The following TUBE1 variants were observed in gnomAD, a reference collection of about 807,000 sequenced individuals.
TUBE1 encodes tubulin epsilon 1.
In TUBE1, 34 loss-of-function variants were observed where a neutral mutation model predicts 53.5. The ratio of observed to expected loss-of-function variants is 0.64; its 90% CI spans 0.48 to 0.85. The LOEUF (loss-of-function observed/expected upper bound fraction) is 0.85. Among genes scored for constraint, TUBE1 ranks in the 40% least tolerant of loss-of-function variants. The pLI is 0.00. For synonymous variants in TUBE1, 177 were observed against 198.4 expected, an observed-to-expected ratio of 0.89 and a Z score of 0.91; for missense variants, 532 against 570.5, an observed-to-expected ratio of 0.93 and a Z score of 0.69.
At chr6:112,071,781 TA>T in intron 11 of TUBE1, 120 bp downstream of exon 11, 1 of 1,048,488 alleles carries the variant, frequency 9.5e-7, no homozygotes, top group Non-Finnish European at 1.3e-6. Flanking sequence ...TCTTCAGTTA[TA>T]ATCAGTACAA....
At position 112,071,447 on chromosome 6, in the gene TUBE1, C is replaced by T. The variant is rs376384128; in HGVS notation, c.1393G>A (p.Val465Met). The T allele has an allele frequency of 4.5e-5, 72 of 1,606,584 alleles. No individual in the cohort carries two copies. The African/African-American group carries it at 7.1e-4, about 16-fold the overall frequency. ...DQLDATKNMP[V>M]QDLPRLSIAM Reference sequence around the variant, plus strand: ...ATGCTTAGTCTGGGTAAATCCTGCACAGGCATGTTTTTTGTGGCGTCCAGT... The same window carrying T: ...ATGCTTAGTCTGGGTAAATCCTGCATAGGCATGTTTTTTGTGGCGTCCAGT... The change falls in exon 12 of 12, where the codon GTG (valine) becomes ATG (methionine). Residue 465 changes from valine to methionine, a missense_variant. By Grantham distance (21) the Val-to-Met change is conservative. Transcript: ENST00000368662.
At position 112,075,988 on chromosome 6, in the gene TUBE1, G is replaced by A; in HGVS notation, c.761C>T (p.Pro254Leu). ...CACAATGTTATTCATTGCATCAAAG[G>A]GCTTCTTATGCTGCTTTTTTAAAGC... ...SGALKKQHKKPFDAMNNIVAN... is the reference protein window; with the variant it reads ...SGALKKQHKKLFDAMNNIVAN... Residue 254 changes from proline to leucine, a missense_variant, in exon 8 of 12, where the codon CCC (proline) becomes CTC (leucine). Transcript: ENST00000368662. 2 of 1,613,666 alleles carry A rather than the reference G, an allele frequency of 1.2e-6. No individual in the cohort carries two copies. Among genetic ancestry groups the A allele is most frequent in the Non-Finnish European group, 1.7e-6 (2 of 1,179,814 alleles).
intron 3 of TUBE1, 84 bp downstream of exon 3, chr6:112,086,472 A>AT (rs1777158523): frequency 1.0e-6 from 1 of 1,000,522 alleles, no homozygotes; most frequent in Admixed American, 2.6e-5. Context: ...GCAGCTGGCT[A>AT]TTTTTATTGT....
rs1434491949 is a variant in TUBE1, at chr6:112,071,454, G to GT, written c.1385dup (p.Asn462LysfsTer25). The GT allele has an allele frequency of 1.9e-6, 3 of 1,609,476 alleles. No homozygotes were observed. Among genetic ancestry groups the GT allele is most frequent in the East Asian group, 2.2e-5 (1 of 44,850 alleles). ...GTCTGGGTAAATCCTGCACAGGCAT[G>GT]TTTTTTGTGGCGTCCAGTTGGTCAT... On this transcript the variant is annotated frameshift_variant, in exon 12 of 12. Coordinates refer to ENST00000368662, the MANE Select transcript of TUBE1 (RefSeq NM_016262.5). LOFTEE classifies it high-confidence loss of function.
chr6:112,080,467 G>A (rs112779436), intron 5 of TUBE1, among the ~76,000 whole-genome samples: 146 of 152,188 alleles, frequency 9.6e-4, no homozygotes, highest in African/African-American at 3.4e-3. Context: ...GGGAACACAA[G>A]ATTCAAATTT....
At chr6:112,075,653 TA>T (rs1190332248) in intron 8 of TUBE1, 1 of 236,666 alleles carries the variant, frequency 4.2e-6, no homozygotes, top group Non-Finnish European at 8.1e-6. Flanking sequence ...ATTCTACAGC[TA>T]AAAAATGTTT....
At chr6:112,082,142 A>T (rs1373660910) in intron 4 of TUBE1, among the ~76,000 whole-genome samples, 4 of 152,208 alleles carry the variant, frequency 2.6e-5, no homozygotes, top group Non-Finnish European at 4.4e-5. Context: ...AGATATTACA[A>T]TTAAAATAAT....
rs1776890597 is a variant in TUBE1 at position 112,072,762 on chromosome 6, C to T, written c.1090G>A (p.Glu364Lys). Residue 364 changes from glutamate (E) to lysine (K), a missense_variant, in exon 10 of 12, where the codon GAA (glutamate) becomes AAA (lysine). Coordinates refer to ENST00000368662, the MANE Select transcript of TUBE1 (RefSeq NM_016262.5). ...CTTTAAAAATATAAACCAAACCTTT[C>T]AATATTTCTACGAAGATCTGAAATT... ...VQISDLRRNI[E>K]RLKPSLQFVS... 1.2e-6 allele frequency: 2 copies of T among 1,612,660 alleles called. No homozygotes were observed. The highest frequency in any genetic ancestry group is 1.3e-5 in the African/African-American group (1 of 74,876).
At chr6:112,072,706 C>T (rs1275546852) in intron 10 of TUBE1, 52 bp downstream of exon 10, 16 of 1,583,714 alleles carry the variant, frequency 1.0e-5, no homozygotes, top group African/African-American at 1.3e-5. Context: ...ACTACTATGC[C>T]ACACTGTCCC....
rs971411193 is a variant in TUBE1 at position 112,071,024 on chromosome 6, C to G, written c.*388G>C. On this transcript the variant is annotated 3_prime_UTR_variant, in exon 12 of 12. Transcript: ENST00000368662. The stretch of plus-strand genomic sequence containing the variant: ...CTCCCAATAACTACTTTTAAAGAAT[C>G]AGGATAACTTAAATAGAATATCAAA... The G allele has an allele frequency of 1.3e-5, 2 of 151,796 alleles. No individual in the cohort carries two copies. The highest frequency in any genetic ancestry group is 2.9e-5 in the Non-Finnish European group (2 of 67,930). 9.4% of individuals were successfully genotyped at this position (151,796 alleles called of 1,614,324 possible). A position where few individuals can be genotyped will look rare whatever the true frequency, so the allele number is the denominator to read the frequency against.
At chr6:112,079,105 TA>T (rs1176038391) in intron 6 of TUBE1, among the ~76,000 whole-genome samples, 3 of 152,096 alleles carry the variant, frequency 2.0e-5, no homozygotes, top group African/African-American at 7.2e-5. Context: ...TCAAGTTGAT[TA>T]ATTGCCATGT....
chr6:112,081,219 A>T lies in TUBE1; in HGVS notation c.211-12T>A. ...TCAATCAAGACTGCCTGAGAAAGAAAAATAAAATATAATTAATGTATTTTC... is the reference window on the plus strand; with the variant it reads ...TCAATCAAGACTGCCTGAGAAAGAATAATAAAATATAATTAATGTATTTTC... On this transcript the variant is annotated splice_polypyrimidine_tract_variant and intron_variant, in intron 4 of 11. Coordinates refer to ENST00000368662, the MANE Select transcript of TUBE1 (RefSeq NM_016262.5). The T allele has an allele frequency of 7.1e-7, 1 of 1,417,200 alleles. No homozygotes were observed. The highest frequency in any genetic ancestry group is 9.8e-7 in the Non-Finnish European group (1 of 1,017,886). 87.8% of individuals were successfully genotyped at this position (1,417,200 alleles called of 1,614,324 possible).
At chr6:112,084,321 T>C in intron 3 of TUBE1, 75 bp from the exon 4 acceptor site, 1 of 1,207,740 alleles carries the variant, frequency 8.3e-7, no homozygotes, top group South Asian at 1.2e-5. Flanking sequence ...TAAAGTTAAC[T>C]TCCATTTATA....
chr6:112,071,028 A>G lies in TUBE1; in HGVS notation c.*384T>C, dbSNP rs2114475730. The G allele has an allele frequency of 6.6e-6, 1 of 152,142 alleles. No homozygotes were observed. The highest frequency in any genetic ancestry group is 2.4e-5 in the African/African-American group (1 of 41,580). The allele number at this position is 152,142 out of a possible 1,614,324, so 9.4% of individuals were successfully genotyped here. ...CAATAACTACTTTTAAAGAATCAGGATAACTTAAATAGAATATCAAAATAT... is the reference window on the plus strand; with the variant it reads ...CAATAACTACTTTTAAAGAATCAGGGTAACTTAAATAGAATATCAAAATAT... On this transcript the variant is annotated 3_prime_UTR_variant, in exon 12 of 12. Coordinates refer to ENST00000368662, the MANE Select transcript of TUBE1 (RefSeq NM_016262.5).
chr6:112,085,925 G>C (rs587622764), intron 3 of TUBE1, among the ~76,000 whole-genome samples: 62 of 152,296 alleles, frequency 4.1e-4, no homozygotes, highest in Non-Finnish European at 7.5e-4. Context: ...TTTCTCTGAA[G>C]ATAACTGCTC....
chr6:112,084,179 T>C lies in TUBE1; in HGVS notation c.210+10A>G, dbSNP rs374670652. 20 of 1,588,556 alleles carry C rather than the reference T, an allele frequency of 1.3e-5. No individual in the cohort carries two copies. The highest frequency in any genetic ancestry group is 1.6e-5 in the Non-Finnish European group (18 of 1,157,032). On this transcript the variant is annotated intron_variant, in intron 4 of 11. Coordinates refer to ENST00000368662, the MANE Select transcript of TUBE1 (RefSeq NM_016262.5). The stretch of plus-strand genomic sequence containing the variant: ...CATGTAATATAAGAATCCAAGCATA[T>C]GTATCTTACTCGTGCTTTTAAAGAA...
At position 112,072,907 on chromosome 6, in the gene TUBE1, A is replaced by T; in HGVS notation, c.954-9T>A. The T allele has an allele frequency of 6.2e-7, 1 of 1,611,736 alleles. No individual in the cohort carries two copies. Among genetic ancestry groups the T allele is most frequent in the Non-Finnish European group, 8.5e-7 (1 of 1,178,944 alleles). ...AAAACATCTGATCCAATCTGCAACA[A>T]TGAAATTGTCATTGTTTATACAAAA... is the stretch of plus-strand genomic sequence containing the variant. On this transcript the variant is annotated splice_polypyrimidine_tract_variant and intron_variant, in intron 9 of 11. Transcript: ENST00000368662.
At chr6:112,078,970 C>T (rs1022104824) in intron 6 of TUBE1, among the ~76,000 whole-genome samples, 3 of 151,978 alleles carry the variant, frequency 2.0e-5, no homozygotes, top group Non-Finnish European at 2.9e-5. Flanking sequence ...ATTTGCTAAG[C>T]GTATTTAAAA....
intron 6 of TUBE1, chr6:112,076,964 A>G (rs1776981720): frequency 6.6e-6 from 1 of 152,310 alleles, no homozygotes; most frequent in South Asian, 2.1e-4. Flanking sequence ...ACATTCAGGA[A>G]ATGAAGTCCT....
Sources: allele counts gnomAD v4.1 joint callset (sites outside exome capture counted in the v4.1 genomes callset), GRCh38; gene constraint gnomAD v4.1.1; transcripts MANE v1.5; gene names NCBI Gene and HGNC (gene_info 2026-07-23, HGNC 2026-07-21).